Variants in ANKRD44 observed in about 807,000 individuals in gnomAD.
The protein encoded by ANKRD44 is serine/threonine-protein phosphatase 6 regulatory ankyrin repeat subunit B.
A neutral mutation model predicts 116.0 loss-of-function variants in ANKRD44; 35 were observed. The observed-to-expected ratio is 0.30, with a 90% CI of 0.23 to 0.40. ANKRD44 has a LOEUF of 0.40. Ranked by LOEUF, ANKRD44 falls within the 10% of genes least tolerant of loss-of-function variation. ANKRD44 has a pLI of 1.00. For missense variants in ANKRD44, 1,014 were observed against 1,242.6 expected, an observed-to-expected ratio of 0.82 and a Z score of 2.77; for synonymous variants, 435 against 461.8, an observed-to-expected ratio of 0.94 and a Z score of 0.74.
rs2075996981 is a variant in ANKRD44 at position 196,995,504 on chromosome 2, C to T, written c.2749-43G>A. On this transcript the variant is annotated intron_variant, in intron 25 of 27. Coordinates refer to ENST00000282272, the MANE Select transcript of ANKRD44 (RefSeq NM_001195144.2). ...TGATAAGAAATGCAAGATAGAGACACAGAAAAGTTACTGAGAAATTTCTTC... is the reference window on the plus strand; with the variant it reads ...TGATAAGAAATGCAAGATAGAGACATAGAAAAGTTACTGAGAAATTTCTTC... 2.1e-6 allele frequency: 3 copies of T among 1,418,664 alleles called. No individual in the cohort carries two copies. The Admixed American group carries it at 5.8e-5, about 28-fold the overall frequency. 87.9% of individuals were successfully genotyped at this position (1,418,664 alleles called of 1,614,324 possible).
chr2:197,106,743 T>C (rs1489284316), intron 9 of ANKRD44, among the ~76,000 whole-genome samples: 1 of 150,686 alleles, frequency 6.6e-6, no homozygotes, highest in African/African-American at 2.4e-5. Context: ...TGAGCTGAGA[T>C]GGTGCCACTG....
At chr2:197,072,046 A>AGAAGGAAG (rs60306279) in intron 16 of ANKRD44, among the ~76,000 whole-genome samples, 8,156 of 110,942 alleles carry the variant, frequency 0.074, 306 homozygotes, top group Admixed American at 0.079. Flanking sequence ...GAGGGAGGAA[A>AGAAGGAAG]GAAGGAAGGA....
intron 16 of ANKRD44, among the ~76,000 whole-genome samples, chr2:197,052,709 A>G (rs2077131796): frequency 6.6e-6 from 1 of 152,198 alleles, no homozygotes; most frequent in Non-Finnish European, 1.5e-5. Context: ...CTGGTAAAAG[A>G]GGGATTAAAA....
chr2:197,031,316 T>C (rs1353344376), intron 16 of ANKRD44, among the ~76,000 whole-genome samples: 1 of 152,172 alleles, frequency 6.6e-6, no homozygotes, highest in Non-Finnish European at 1.5e-5. Context: ...ATATTTCCAG[T>C]GAATGTGTAT....
intron 1 of ANKRD44, among the ~76,000 whole-genome samples, chr2:197,260,221 C>T (rs1353842866): frequency 7.9e-6 from 1 of 127,122 alleles, no homozygotes; most frequent in East Asian, 3.5e-4. Flanking sequence ...TCTCCTAATG[C>T]TATCCTCCCC....
intron 3 of ANKRD44, among the ~76,000 whole-genome samples, chr2:197,138,434 G>A (rs2697262): frequency 0.92 from 139,594 of 152,278 alleles, 64,431 homozygotes; most frequent in East Asian, 0.98. Context: ...AAATCCAGAT[G>A]TGATTAAGAA....
At chr2:197,126,399 T>G (rs1463340642) in intron 4 of ANKRD44, among the ~76,000 whole-genome samples, 2 of 152,190 alleles carry the variant, frequency 1.3e-5, no homozygotes, top group Non-Finnish European at 2.9e-5. Context: ...ACCTCAGACA[T>G]TCTTGGATCA....
intron 1 of ANKRD44, among the ~76,000 whole-genome samples, chr2:197,226,891 G>A (rs910829649): frequency 1.3e-5 from 2 of 152,000 alleles, no homozygotes; most frequent in African/African-American, 2.4e-5. Flanking sequence ...CTCCTTCTGA[G>A]ATTACATCTC....
intron 1 of ANKRD44, among the ~76,000 whole-genome samples, chr2:197,198,414 A>G (rs1042370878): frequency 6.6e-6 from 1 of 152,182 alleles, no homozygotes; most frequent in African/African-American, 2.4e-5. Context: ...AAACTGCAAT[A>G]ATAGTCTGCA....
intron 1 of ANKRD44, among the ~76,000 whole-genome samples, chr2:197,286,087 GGTGGGCCA>G (rs1237252207): frequency 6.6e-6 from 1 of 152,190 alleles, no homozygotes; most frequent in Non-Finnish European, 1.5e-5. Flanking sequence ...CATTGCAGCT[GGTGGGCCA>G]GTGTAGTCAT....
chr2:197,184,622 T>G (rs1258388269), intron 2 of ANKRD44, among the ~76,000 whole-genome samples: 1 of 127,710 alleles, frequency 7.8e-6, no homozygotes. Flanking sequence ...CCTGGGCAGC[T>G]GAGCGAGACT....
At chr2:197,149,370 C>A (rs1048290924) in intron 2 of ANKRD44, among the ~76,000 whole-genome samples, 1 of 152,174 alleles carries the variant, frequency 6.6e-6, no homozygotes, top group African/African-American at 2.4e-5. Context: ...CATGATATGA[C>A]TGGTTTTGCT....
intron 9 of ANKRD44, among the ~76,000 whole-genome samples, chr2:197,107,296 C>A (rs1158547186): frequency 6.6e-6 from 1 of 152,198 alleles, no homozygotes; most frequent in East Asian, 1.9e-4. Flanking sequence ...ATTTTTAAAG[C>A]TTCTGTGAAG....
chr2:197,305,297 G>A (rs1413622594), intron 1 of ANKRD44, among the ~76,000 whole-genome samples: 1 of 152,114 alleles, frequency 6.6e-6, no homozygotes, highest in African/African-American at 2.4e-5. Flanking sequence ...AGGGACTCAG[G>A]GACCACTGTC....
At chr2:197,097,855 T>C (rs2078197959) in intron 10 of ANKRD44, among the ~76,000 whole-genome samples, 1 of 152,216 alleles carries the variant, frequency 6.6e-6, no homozygotes, top group African/African-American at 2.4e-5. Context: ...AATGTAATTC[T>C]TTAGCAGGAC....
At chr2:197,301,641 TTTTC>T (rs2083910685) in intron 1 of ANKRD44, among the ~76,000 whole-genome samples, 2 of 152,246 alleles carry the variant, frequency 1.3e-5, no homozygotes, top group African/African-American at 4.8e-5. Flanking sequence ...AGTGTTTCTC[TTTTC>T]TTTGTTTGAG....
chr2:197,224,144 G>A (rs2081647429), intron 1 of ANKRD44, among the ~76,000 whole-genome samples: 1 of 152,126 alleles, frequency 6.6e-6, no homozygotes, highest in African/African-American at 2.4e-5. Context: ...ATCGAGTCCT[G>A]GACTTCATCA....
intron 1 of ANKRD44, among the ~76,000 whole-genome samples, chr2:197,231,524 T>C (rs776706578): frequency 1.3e-5 from 2 of 152,194 alleles, no homozygotes; most frequent in Non-Finnish European, 1.5e-5. Context: ...CATGATATGA[T>C]GGTCCTATGT....
intron 1 of ANKRD44, among the ~76,000 whole-genome samples, chr2:197,240,646 G>T (rs1217104970): frequency 6.6e-6 from 1 of 150,500 alleles, no homozygotes; most frequent in Non-Finnish European, 1.5e-5. Context: ...TGACAATGTT[G>T]GTGCCCAGTT....
Sources: allele counts gnomAD v4.1 joint callset (sites outside exome capture counted in the v4.1 genomes callset), GRCh38; gene constraint gnomAD v4.1.1; transcripts MANE v1.5; gene names NCBI Gene and HGNC (gene_info 2026-07-23, HGNC 2026-07-21).